ADAMTSL3: variants seen among roughly 807,000 people sequenced by gnomAD.
The protein encoded by ADAMTSL3 is ADAMTS like 3.
A neutral mutation model predicts 201.7 loss-of-function variants in ADAMTSL3; 128 were observed. The ratio of observed to expected loss-of-function variants is 0.63; its 90% CI spans 0.55 to 0.73. The LOEUF (loss-of-function observed/expected upper bound fraction) is 0.73. Among genes scored for constraint, ADAMTSL3 ranks in the 30% least tolerant of loss-of-function variants. ADAMTSL3 has a pLI of 0.00. For missense variants in ADAMTSL3, 1,990 were observed against 2,119.6 expected, an observed-to-expected ratio of 0.94 and a Z score of 1.20; for synonymous variants, 738 against 748.4, an observed-to-expected ratio of 0.99 and a Z score of 0.23.
chr15:83,697,643 G>A (rs1326183892), intron 2 of ADAMTSL3, among the ~76,000 whole-genome samples: 1 of 152,202 alleles, frequency 6.6e-6, no homozygotes, highest in African/African-American at 2.4e-5. Flanking sequence ...GAGATACGTA[G>A]GGTGAGGTCT....
intron 23 of ADAMTSL3, among the ~76,000 whole-genome samples, chr15:83,994,070 G>A (rs1437023063): frequency 2.0e-5 from 3 of 152,162 alleles, no homozygotes; most frequent in East Asian, 3.9e-4. Flanking sequence ...GCCCACAGAT[G>A]GTAATGAGTT....
chr15:83,699,969 T>C (rs1333662699), intron 2 of ADAMTSL3, among the ~76,000 whole-genome samples: 1 of 152,248 alleles, frequency 6.6e-6, no homozygotes, highest in Non-Finnish European at 1.5e-5. Flanking sequence ...CTTATTTATG[T>C]ATTTGTTTAC....
chr15:83,824,387 C>T (rs1013028681), intron 6 of ADAMTSL3, among the ~76,000 whole-genome samples: 4 of 151,952 alleles, frequency 2.6e-5, no homozygotes, highest in South Asian at 2.1e-4. Flanking sequence ...CCCATAGGAC[C>T]CCCCTGCTTC....
At chr15:83,673,494 C>T (rs531244576) in intron 2 of ADAMTSL3, among the ~76,000 whole-genome samples, 197 of 152,212 alleles carry the variant, frequency 1.3e-3, no homozygotes, top group African/African-American at 4.4e-3. Context: ...TTTTTCTATG[C>T]TGTCTGCTGA....
At chr15:83,802,779 C>A (rs2063545008) in intron 4 of ADAMTSL3, among the ~76,000 whole-genome samples, 1 of 152,066 alleles carries the variant, frequency 6.6e-6, no homozygotes, top group Admixed American at 6.6e-5. Flanking sequence ...GTAGTGGTTG[C>A]ACAATTGTAT....
At chr15:83,835,887 A>C (rs1305644761) in intron 6 of ADAMTSL3, among the ~76,000 whole-genome samples, 1 of 152,242 alleles carries the variant, frequency 6.6e-6, no homozygotes, top group Non-Finnish European at 1.5e-5. Context: ...TCTGAGTCAG[A>C]TAACTTGGGT....
At chr15:83,911,686 A>G (rs2065938239) in intron 15 of ADAMTSL3, among the ~76,000 whole-genome samples, 1 of 152,202 alleles carries the variant, frequency 6.6e-6, no homozygotes, top group Admixed American at 6.5e-5. Context: ...GTATATAGTA[A>G]TGGCATTTCA....
intron 4 of ADAMTSL3, among the ~76,000 whole-genome samples, chr15:83,798,360 T>A (rs2063461578): frequency 6.6e-6 from 1 of 152,206 alleles, no homozygotes; most frequent in African/African-American, 2.4e-5. Flanking sequence ...AATGTGTATA[T>A]ATGTATTTGT....
intron 17 of ADAMTSL3, among the ~76,000 whole-genome samples, chr15:83,928,138 C>G (rs1219158595): frequency 1.3e-5 from 2 of 152,102 alleles, no homozygotes; most frequent in Admixed American, 6.6e-5. Context: ...ATGTGCATCA[C>G]TAATTTTTAA....
chr15:83,966,326 A>G (rs2067084674), intron 19 of ADAMTSL3, among the ~76,000 whole-genome samples: 1 of 152,176 alleles, frequency 6.6e-6, no homozygotes, highest in Non-Finnish European at 1.5e-5. Flanking sequence ...AATCAAATAG[A>G]CACAATAAAA....
At chr15:83,915,669 C>T (rs868448338) in intron 16 of ADAMTSL3, among the ~76,000 whole-genome samples, 2 of 152,230 alleles carry the variant, frequency 1.3e-5, no homozygotes, top group South Asian at 4.1e-4. Flanking sequence ...GCAATCATAC[C>T]CCATTTTCCC....
At chr15:83,691,968 G>T (rs2061614523) in intron 2 of ADAMTSL3, among the ~76,000 whole-genome samples, 1 of 152,228 alleles carries the variant, frequency 6.6e-6, no homozygotes, top group African/African-American at 2.4e-5. Context: ...GATGTTTTAA[G>T]CAACCAAAAG....
At chr15:83,991,335 A>T (rs1041676505) in intron 23 of ADAMTSL3, 121 bp downstream of exon 23, 2 of 1,443,056 alleles carry the variant, frequency 1.4e-6, no homozygotes, top group African/African-American at 2.8e-5. Flanking sequence ...ATAGGCTTAA[A>T]AAAAAGATTT....
At chr15:83,704,858 C>G (rs1456012167) in intron 3 of ADAMTSL3, among the ~76,000 whole-genome samples, 2 of 152,088 alleles carry the variant, frequency 1.3e-5, no homozygotes, top group East Asian at 3.9e-4. Flanking sequence ...TTGCCCTCAG[C>G]TTTTACTTCA....
chr15:83,681,805 C>T (rs2061479550), intron 2 of ADAMTSL3, among the ~76,000 whole-genome samples: 1 of 152,148 alleles, frequency 6.6e-6, no homozygotes, highest in African/African-American at 2.4e-5. Flanking sequence ...CCCCTGTGCC[C>T]TGTCATGGTC....
At chr15:83,853,803 A>G (rs1044108178) in intron 7 of ADAMTSL3, among the ~76,000 whole-genome samples, 2 of 152,148 alleles carry the variant, frequency 1.3e-5, no homozygotes, top group Non-Finnish European at 2.9e-5. Flanking sequence ...AAGCATACAT[A>G]AAAGTTGATA....
chr15:83,909,677 T>A (rs2401177), intron 15 of ADAMTSL3, among the ~76,000 whole-genome samples: 95,124 of 151,748 alleles, frequency 0.63, 30,904 homozygotes, highest in African/African-American at 0.79. Context: ...TGCAGTGGTG[T>A]GATCTCAGCT....
intron 7 of ADAMTSL3, among the ~76,000 whole-genome samples, chr15:83,848,326 T>G (rs1467212250): frequency 1.3e-5 from 2 of 152,240 alleles, no homozygotes; most frequent in African/African-American, 2.4e-5. Flanking sequence ...TGAAAATAAA[T>G]GATCTGATAT....
chr15:83,783,837 CTGTGTGTGTG>C (rs59071955), intron 4 of ADAMTSL3, among the ~76,000 whole-genome samples: 3 of 148,760 alleles, frequency 2.0e-5, no homozygotes, highest in Non-Finnish European at 4.5e-5. Flanking sequence ...CATATATACT[CTGTGTGTGTG>C]TGTGTGTGTG....
Sources: gnomAD v4.1 joint callset for allele counts (sites outside exome capture counted in the v4.1 genomes callset) on GRCh38, gnomAD v4.1.1 for gene constraint, MANE v1.5 for transcripts, NCBI Gene and HGNC (gene_info 2026-07-23, HGNC 2026-07-21) for gene names.